The following NPAS1 variants were observed in gnomAD, a reference collection of about 807,000 sequenced individuals.
The protein encoded by NPAS1 is neuronal PAS domain protein 1, also known as neuronal PAS domain-containing protein 1.
NPAS1 carries 29 observed loss-of-function variants against 49.2 expected under a neutral mutation model. The observed-to-expected ratio is 0.59, with a 90% CI of 0.44 to 0.80. The LOEUF (loss-of-function observed/expected upper bound fraction) is 0.80. NPAS1 is among the 30% of genes least tolerant of loss of function. The pLI, the probability that NPAS1 is intolerant of heterozygous loss-of-function variation, is 0.00. For missense variants in NPAS1, 825 were observed against 835.5 expected (o/e 0.99, Z 0.15); for synonymous variants, 408 against 380.4 (o/e 1.07, Z -0.84).
At chr19:47,031,820 C>T (rs892473651) in intron 3 of NPAS1, among the ~76,000 whole-genome samples, 13 of 152,094 alleles carry the variant, frequency 8.5e-5, no homozygotes, top group South Asian at 2.1e-4. Context: ...TGAGCCACCT[C>T]GCCCAGCCTG....
rs144600308 is a variant in NPAS1, at chr19:47,039,478, G to C, written c.876G>C (p.Pro292=). ...GLVALGHTLP[P]APLAELPLHG... ...TGGCCCTCGGGCACACGTTGCCCCCGGCCCCCCTGGCTGAGCTGCCACTCC... is the reference window on the plus strand; with the variant it reads ...TGGCCCTCGGGCACACGTTGCCCCCCGCCCCCCTGGCTGAGCTGCCACTCC... The change falls in exon 8 of 12, where the codon CCG becomes CCC. Residue 292 remains proline, a synonymous_variant. Coordinates refer to ENST00000602212, the MANE Select transcript of NPAS1 (RefSeq NM_002517.4). 1 of 1,610,536 alleles carries C rather than the reference G, an allele frequency of 6.2e-7. No homozygotes were observed. The highest frequency in any genetic ancestry group is 1.3e-5 in the African/African-American group (1 of 74,938).
Position 47,036,068 on chromosome 19 carries a change from C to T in NPAS1, c.627C>T (p.Thr209=), listed in dbSNP as rs995441496. 8.1e-6 allele frequency: 13 copies of T among 1,597,580 alleles called. No individual in the cohort carries two copies. The highest frequency in any genetic ancestry group is 1.1e-5 in the Non-Finnish European group (13 of 1,172,264). The stretch of plus-strand genomic sequence containing the variant: ...GGACGCCGACGCCCGGCCCCCCAAC[C>T]CCGCCCTCCGTCTCCTCTTCCTCCT... ...GLRTPTPGPP[T]PPSVSSSSSS... is the part of the protein sequence containing the mutation. Residue 209 remains threonine, a synonymous_variant, in exon 6 of 12, where the codon ACC becomes ACT. Transcript: ENST00000602212.
intron 5 of NPAS1, among the ~76,000 whole-genome samples, chr19:47,033,026 A>AT (rs1311907890): frequency 6.6e-6 from 1 of 150,946 alleles, no homozygotes; most frequent in African/African-American, 2.4e-5. Context: ...TGCAACCTCC[A>AT]CCTCCCGGGT....
chr19:47,037,913 C>T (rs1328811929), intron 6 of NPAS1, among the ~76,000 whole-genome samples: 2 of 152,216 alleles, frequency 1.3e-5, no homozygotes, highest in Admixed American at 6.5e-5. Context: ...CTGTTCTGGG[C>T]CAGCCCCTGT....
At position 47,040,959 on chromosome 19, in the gene NPAS1, C is replaced by G. The variant is rs765021045; in HGVS notation, c.1070-19C>G. The stretch of plus-strand genomic sequence containing the variant: ...TCCCCACCCCACCCCCTTCCCATCT[C>G]TCCCTGGGCTGGGCCCAGTGCTGGA... On this transcript the variant is annotated intron_variant, in intron 9 of 11. Transcript: ENST00000602212. The G allele has an allele frequency of 1.0e-5, 15 of 1,443,664 alleles. No individual in the cohort carries two copies. The South Asian group carries it at 2.0e-4, about 20-fold the overall frequency. The allele number at this position is 1,443,664 out of a possible 1,614,324, so 89.4% of individuals were successfully genotyped here.
chr19:47,023,998 C>T (rs1008472341), intron 3 of NPAS1, among the ~76,000 whole-genome samples: 6 of 151,758 alleles, frequency 4.0e-5, no homozygotes, highest in Non-Finnish European at 7.4e-5. Context: ...CCAGCTACTC[C>T]GGAGGCTAAG....
intron 5 of NPAS1, chr19:47,035,198 AAGAAG>A (rs2056941780): frequency 6.6e-6 from 1 of 152,290 alleles, no homozygotes; most frequent in Non-Finnish European, 1.5e-5. Flanking sequence ...TAAAAAGAAG[AAGAAG>A]AAGAAGAAGA....
intron 3 of NPAS1, among the ~76,000 whole-genome samples, chr19:47,023,562 T>C (rs897302338): frequency 1.3e-5 from 2 of 152,074 alleles, no homozygotes; most frequent in African/African-American, 4.8e-5. Context: ...CCTGCTTCCA[T>C]AGTTCAGAGG....
chr19:47,024,345 C>A (rs557559169), intron 3 of NPAS1, among the ~76,000 whole-genome samples: 2 of 152,038 alleles, frequency 1.3e-5, no homozygotes, highest in South Asian at 4.2e-4. Flanking sequence ...CTGGGATAAG[C>A]CCTGTATACA....
intron 6 of NPAS1, among the ~76,000 whole-genome samples, chr19:47,038,178 G>A (rs892592685): frequency 6.6e-6 from 1 of 152,190 alleles, no homozygotes; most frequent in Non-Finnish European, 1.5e-5. Flanking sequence ...AGGAAGCTAT[G>A]GCAGGTTCAG....
Position 47,028,701 on chromosome 19 carries a change from A to G in NPAS1, c.359-3577A>G, listed in dbSNP as rs565751869. On this transcript the variant is annotated intron_variant, in intron 3 of 11. Transcript: ENST00000602212. ...CCAGGGCACACAGCCAGGGAGGGGA[A>G]GCGCTGGGGCCTGACAGGAGACCTG... 5.8e-4 allele frequency among the ~76,000 whole-genome samples: 88 copies of G among 152,222 alleles called. No individual in the cohort carries two copies. In the South Asian group the frequency reaches 0.013, roughly 23 times the overall value.
intron 11 of NPAS1, among the ~76,000 whole-genome samples, chr19:47,043,997 T>TA (rs1177982580): frequency 2.0e-5 from 3 of 149,874 alleles, no homozygotes; most frequent in Non-Finnish European, 3.0e-5. Context: ...GCCCGGGAGT[T>TA]AGAGGCTGCA....
intron 10 of NPAS1, among the ~76,000 whole-genome samples, chr19:47,041,497 G>A (rs574200577): frequency 1.3e-5 from 2 of 152,002 alleles, no homozygotes; most frequent in Non-Finnish European, 2.9e-5. Context: ...GCAGGGAGGG[G>A]TGTTCCAAGC....
intron 5 of NPAS1, 32 bp downstream of exon 5, chr19:47,032,764 C>T (rs2056916664): frequency 6.6e-7 from 1 of 1,503,782 alleles, no homozygotes; most frequent in African/African-American, 1.4e-5. Context: ...TGGATTGGCT[C>T]AGCCACCATC....
chr19:47,020,882 G>A, intron 1 of NPAS1, 124 bp from the exon 2 acceptor site: 1 of 464,424 alleles, frequency 2.2e-6, no homozygotes, highest in Non-Finnish European at 3.7e-6. Flanking sequence ...GGGAAACTGA[G>A]GCATCATCCA....
chr19:47,030,011 TTTTG>T (rs2056895603), intron 3 of NPAS1, among the ~76,000 whole-genome samples: 1 of 152,022 alleles, frequency 6.6e-6, no homozygotes, highest in South Asian at 2.1e-4. Context: ...TTTTGTTTTG[TTTTG>T]TTTTTGTTTT....
Position 47,019,912 on chromosome 19 carries a change from A to C in NPAS1, c.-128A>C, listed in dbSNP as rs1314470091. 1 of 380,400 alleles carries C rather than the reference A, an allele frequency of 2.6e-6. No homozygotes were observed. The highest frequency in any genetic ancestry group is 4.7e-6 in the Non-Finnish European group (1 of 214,464). The allele number at this position is 380,400 out of a possible 1,614,324, so 23.6% of individuals were successfully genotyped here. ...GCCCCGCGCGCCCCGGGGTCTATGG[A>C]GCTGCCCCTCCGCGCCGCCCGGCCG... On this transcript the variant is annotated 5_prime_UTR_variant, in exon 1 of 12. Transcript: ENST00000602212.
In NPAS1 at chr19:47,032,735, A is replaced by G; in HGVS notation, c.522+3A>G. On this transcript the variant is annotated splice_donor_region_variant and intron_variant, in intron 5 of 11. Coordinates refer to ENST00000602212, the MANE Select transcript of NPAS1 (RefSeq NM_002517.4). ...CCATCTATCTGGGTCTCTCACAGGT[A>G]AGGGACCCCCAGTGGACCTGGATTG... 1 of 1,608,858 alleles carries G rather than the reference A, an allele frequency of 6.2e-7. No individual in the cohort carries two copies. Among genetic ancestry groups the G allele is most frequent in the South Asian group, 1.1e-5 (1 of 90,960 alleles).
rs759616182 is a variant in NPAS1, at chr19:47,021,684, C to T, written c.195C>T (p.Phe65=). ...RSRRGKENLE[F]FELAKLLPLP... ...GGCGCGGGAAGGAGAACCTGGAGTT[C>T]TTCGAGCTGGCCAAGCTTCTCCCGC... Residue 65 remains phenylalanine (F), a synonymous_variant, in exon 3 of 12, where the codon TTC becomes TTT. Transcript: ENST00000602212. The surrounding 1 kb of genome is among the most constrained non-coding windows in gnomAD (Gnocchi z 5.7). 6.4e-7 allele frequency: 1 copy of T among 1,564,316 alleles called. No individual in the cohort carries two copies. The highest frequency in any genetic ancestry group is 1.2e-5 in the South Asian group (1 of 84,720).
Sources: gnomAD v4.1 joint callset for allele counts (sites outside exome capture counted in the v4.1 genomes callset) on GRCh38, gnomAD v4.1.1 for gene constraint, Gnocchi (gnomAD v3.1) non-coding constraint, MANE v1.5 for transcripts, NCBI Gene and HGNC (gene_info 2026-07-23, HGNC 2026-07-21) for gene names.